Variants in NAALADL2 observed in about 807,000 individuals in gnomAD.
The protein encoded by NAALADL2 is N-acetylated alpha-linked acidic dipeptidase like 2.
In NAALADL2, 76 loss-of-function variants were observed where a neutral mutation model predicts 87.2. That is an observed-to-expected ratio of 0.87 (90% CI 0.72 to 1.05). NAALADL2 has a LOEUF of 1.05. Ranked by LOEUF, NAALADL2 falls within the 50% of genes least tolerant of loss-of-function variation. The probability of loss-of-function intolerance (pLI) is 0.00; values close to 1 mark genes in which losing one functional copy is unlikely to be tolerated. For synonymous variants in NAALADL2, 354 were observed against 331.0 expected, an observed-to-expected ratio of 1.07 and a Z score of -0.75; for missense variants, 1,089 against 945.8, an observed-to-expected ratio of 1.15 and a Z score of -1.99.
intron 9 of NAALADL2, among the ~76,000 whole-genome samples, chr3:175,520,253 G>A (rs1732437213): frequency 6.6e-6 from 1 of 151,136 alleles, no homozygotes; most frequent in South Asian, 2.1e-4. Flanking sequence ...ACCACCTGTG[G>A]AGCATTTGCA....
intron 11 of NAALADL2, chr3:175,675,677 T>C (rs1734673568): frequency 6.6e-6 from 1 of 152,188 alleles, no homozygotes; most frequent in Admixed American, 6.5e-5. Context: ...GCAATCGGAA[T>C]AGGAACTTTC....
chr3:174,698,660 C>A, intron 2 of NAALADL2, among the ~76,000 whole-genome samples: 1 of 98,414 alleles, frequency 1.0e-5, no homozygotes, highest in Non-Finnish European at 1.7e-5. Flanking sequence ...GTCAGGAGAT[C>A]GAGACCATCC....
At chr3:175,627,214 T>C in intron 10 of NAALADL2, 77 bp from the exon 11 acceptor site, 1 of 1,205,278 alleles carries the variant, frequency 8.3e-7, no homozygotes, top group Non-Finnish European at 1.2e-6. Context: ...TTTTTAATCT[T>C]TAAGGAAAAT....
intron 12 of NAALADL2, among the ~76,000 whole-genome samples, chr3:175,738,263 T>C (rs1323133992): frequency 6.6e-6 from 1 of 152,172 alleles, no homozygotes; most frequent in African/African-American, 2.4e-5. Flanking sequence ...TCTTTTTTTT[T>C]GAGATGGAAT....
At chr3:174,669,548 C>T (rs115049364) in intron 2 of NAALADL2, among the ~76,000 whole-genome samples, 3 of 151,814 alleles carry the variant, frequency 2.0e-5, no homozygotes, top group Non-Finnish European at 2.9e-5. Context: ...GTAATTTGAC[C>T]GTATATGTTA....
intron 11 of NAALADL2, among the ~76,000 whole-genome samples, chr3:175,643,815 A>G (rs546591419): frequency 3.4e-4 from 52 of 152,306 alleles, no homozygotes; most frequent in African/African-American, 1.2e-3. Context: ...CCTTACCTTC[A>G]CAACCAAGAA....
chr3:175,581,882 T>G (rs553247717), intron 10 of NAALADL2, among the ~76,000 whole-genome samples: 1 of 152,344 alleles, frequency 6.6e-6, no homozygotes, highest in East Asian at 1.9e-4. Flanking sequence ...CAACTACATC[T>G]TATTCAAAGA....
intron 9 of NAALADL2, among the ~76,000 whole-genome samples, chr3:175,494,863 T>G (rs1398068998): frequency 6.6e-6 from 1 of 151,940 alleles, no homozygotes; most frequent in Admixed American, 6.6e-5. Context: ...GCAAGAGGCT[T>G]TTGATATGCA....
chr3:174,500,367 T>A (rs1331016449), intron 1 of NAALADL2, among the ~76,000 whole-genome samples: 3 of 152,132 alleles, frequency 2.0e-5, no homozygotes, highest in Admixed American at 1.3e-4. Flanking sequence ...TCCTATATGA[T>A]CATTTATAAA....
chr3:175,310,655 C>T (rs1758248425), intron 4 of NAALADL2, among the ~76,000 whole-genome samples: 1 of 151,594 alleles, frequency 6.6e-6, no homozygotes, highest in South Asian at 2.1e-4. Context: ...ATGAAGAGCT[C>T]TATACTTTTT....
Position 175,013,169 on chromosome 3 carries a change from A to ATAC in NAALADL2, c.44-83621_44-83620insTAC, listed in dbSNP as rs1750259042. On this transcript the variant is annotated intron_variant, in intron 1 of 13. Coordinates refer to ENST00000454872, the MANE Select transcript of NAALADL2 (RefSeq NM_207015.3). The stretch of plus-strand genomic sequence containing the variant: ...AATACATATTTATATATAAATATGT[A>ATAC]ATACATATTTATATATAAATATATA... Among the ~76,000 whole-genome samples the ATAC allele has an allele frequency of 2.7e-5, 3 of 110,086 alleles. 1 individual carries two copies. The highest frequency in any genetic ancestry group is 5.7e-5 in the Non-Finnish European group (3 of 52,374). 72.2% of individuals were successfully genotyped at this position (110,086 alleles called of 152,430 possible).
At chr3:175,487,029 A>C (rs1727376021) in intron 9 of NAALADL2, among the ~76,000 whole-genome samples, 1 of 152,110 alleles carries the variant, frequency 6.6e-6, no homozygotes, top group Non-Finnish European at 1.5e-5. Flanking sequence ...ATCCTTGAAG[A>C]CTTAAGTCAG....
chr3:175,737,714 GTTTTTTTTTTTTTTT>G (rs71164650), intron 12 of NAALADL2, among the ~76,000 whole-genome samples: 3 of 54,736 alleles, frequency 5.5e-5, no homozygotes, highest in South Asian at 8.3e-4. Flanking sequence ...CAATGATCCA[GTTTTTTTTTTTTTTT>G]TTTTTTTTTT....
intron 6 of NAALADL2, among the ~76,000 whole-genome samples, chr3:175,460,348 G>A (rs952391562): frequency 6.6e-6 from 1 of 152,148 alleles, no homozygotes; most frequent in Non-Finnish European, 1.5e-5. Flanking sequence ...ACATGCATGA[G>A]GATGTAAATA....
chr3:174,721,379 T>C lies in NAALADL2; in HGVS notation c.-114-16262T>C, dbSNP rs958556540. 2.0e-5 allele frequency among the ~76,000 whole-genome samples: 3 copies of C among 152,138 alleles called. No homozygotes were observed. In the East Asian group the frequency reaches 5.8e-4, roughly 29 times the overall value. Reference sequence around the variant, plus strand: ...AAATAAGCAAATGGAAGAGACTGCTTAAAGTTTATGTTAGTGAAGAGTCTA... The same window carrying C: ...AAATAAGCAAATGGAAGAGACTGCTCAAAGTTTATGTTAGTGAAGAGTCTA... On this transcript the variant is annotated intron_variant, in intron 2 of 3. Transcript: ENST00000434257.
At chr3:175,374,690 T>C (rs1766930413) in intron 5 of NAALADL2, among the ~76,000 whole-genome samples, 1 of 149,392 alleles carries the variant, frequency 6.7e-6, no homozygotes, top group South Asian at 2.1e-4. Flanking sequence ...CTGGGCAACA[T>C]GGAGAAAACT....
At chr3:175,371,575 A>T (rs1766507440) in intron 5 of NAALADL2, among the ~76,000 whole-genome samples, 1 of 152,102 alleles carries the variant, frequency 6.6e-6, no homozygotes, top group Non-Finnish European at 1.5e-5. Context: ...TTGTAATCCC[A>T]GCTCTTTGGG....
In NAALADL2 at chr3:174,561,227, GTC is replaced by G. The variant is rs148185264; in HGVS notation, c.-115+10593_-115+10594del. Among the ~76,000 whole-genome samples the G allele has an allele frequency of 2.5e-4, 36 of 141,834 alleles. 1 individual carries two copies. In the East Asian group the frequency reaches 7.3e-3, roughly 29 times the overall value. 93.0% of individuals were successfully genotyped at this position (141,834 alleles called of 152,430 possible). A position where few individuals can be genotyped will look rare whatever the true frequency, so the allele number is the denominator to read the frequency against. ...TTTTTTTTTTTTTTTTTTGGAAAGA[GTC>G]TCGCTCTGTCACCAGGCTGGAGTGC... On this transcript the variant is annotated intron_variant, in intron 2 of 3. Transcript: ENST00000434257.
At chr3:175,426,065 G>T (rs1651635200) in intron 5 of NAALADL2, among the ~76,000 whole-genome samples, 1 of 152,072 alleles carries the variant, frequency 6.6e-6, no homozygotes, top group South Asian at 2.1e-4. Flanking sequence ...AAATATTGTG[G>T]ATCAGCAATG....
Sources: gnomAD v4.1 joint callset for allele counts (sites outside exome capture counted in the v4.1 genomes callset) on GRCh38, gnomAD v4.1.1 for gene constraint, MANE v1.5 for transcripts, NCBI Gene and HGNC (gene_info 2026-07-23, HGNC 2026-07-21) for gene names.